Variants in ZDHHC1 observed in about 807,000 individuals in gnomAD.
ZDHHC1 encodes palmitoyltransferase ZDHHC1.
ZDHHC1 carries 45 observed loss-of-function variants against 46.9 expected under a neutral mutation model. That is an observed-to-expected ratio of 0.96 (90% CI 0.76 to 1.23). The LOEUF (loss-of-function observed/expected upper bound fraction) is 1.23, where lower values mean the gene tolerates loss of function less well. Ranked by LOEUF, ZDHHC1 falls within the 50% of genes most tolerant of loss-of-function variation. The pLI, the probability that ZDHHC1 is intolerant of heterozygous loss-of-function variation, is 0.00. For missense variants in ZDHHC1, 649 were observed against 670.8 expected, an observed-to-expected ratio of 0.97 and a Z score of 0.36; for synonymous variants, 291 against 286.0, an observed-to-expected ratio of 1.02 and a Z score of -0.18.
chr16:67,399,514 G>T (rs1161626886), intron 4 of ZDHHC1, 58 bp from the exon 5 acceptor site: 3 of 1,473,928 alleles, frequency 2.0e-6, no homozygotes, highest in Non-Finnish European at 2.8e-6. Flanking sequence ...CTGCGGCCCG[G>T]CCGGTCGGGG....
intron 1 of ZDHHC1, 95 bp downstream of exon 1, chr16:67,416,076 G>C (rs1021107925): frequency 1.3e-5 from 2 of 152,272 alleles, no homozygotes; most frequent in Non-Finnish European, 2.9e-5. Context: ...CCGGCTCCAG[G>C]CGGAAGCGAG....
chr16:67,406,545 C>A lies in ZDHHC1; in HGVS notation c.10-103G>T. 7.3e-7 allele frequency: 1 copy of A among 1,369,758 alleles called. No individual in the cohort carries two copies. The allele number at this position is 1,369,758 out of a possible 1,614,324, so 84.9% of individuals were successfully genotyped here. ...GTTTCAGCACAGGGGGAGTAGGCTG[C>A]GACAGCTACTCTGCTGGGGAAACTG... On this transcript the variant is annotated intron_variant, in intron 2 of 11. Coordinates refer to ENST00000565726, the MANE Select transcript of ZDHHC1 (RefSeq NM_001323627.2). The surrounding 1 kb of genome is among the most constrained non-coding windows in gnomAD (Gnocchi z 4.1).
At chr16:67,410,576 TC>T (rs1168884350) in intron 1 of ZDHHC1, among the ~76,000 whole-genome samples, 1 of 152,102 alleles carries the variant, frequency 6.6e-6, no homozygotes, top group African/African-American at 2.4e-5. Context: ...AGTAATCTGT[TC>T]ACATTAACAT....
chr16:67,410,758 CAGGTTCA>C (rs1266883859), intron 1 of ZDHHC1, among the ~76,000 whole-genome samples: 1 of 151,874 alleles, frequency 6.6e-6, no homozygotes, highest in Non-Finnish European at 1.5e-5. Context: ...CTCCACCTCC[CAGGTTCA>C]AGCGATTCTC....
intron 8 of ZDHHC1, 129 bp from the exon 9 acceptor site, chr16:67,395,695 A>G (rs559255772): frequency 1.1e-6 from 1 of 925,980 alleles, no homozygotes; most frequent in East Asian, 2.6e-5. Flanking sequence ...CCAGGCTCCC[A>G]GCCATGCTGG....
At chr16:67,415,273 A>G (rs1294100885) in intron 1 of ZDHHC1, among the ~76,000 whole-genome samples, 2 of 149,278 alleles carry the variant, frequency 1.3e-5, no homozygotes. Flanking sequence ...GCCTGGGCAA[A>G]ATAGTAAGAC....
At chr16:67,409,338 C>T (rs2040713956) in intron 1 of ZDHHC1, among the ~76,000 whole-genome samples, 1 of 152,018 alleles carries the variant, frequency 6.6e-6, no homozygotes, top group African/African-American at 2.4e-5. Flanking sequence ...CCTGATACTC[C>T]AAATCGGATA....
intron 8 of ZDHHC1, 182 bp from the exon 9 acceptor site, chr16:67,395,748 G>A: frequency 1.6e-6 from 1 of 633,040 alleles, no homozygotes; most frequent in East Asian, 2.8e-5. Context: ...ACCCATTTCT[G>A]GCCCTTGCCC....
rs1262372967 is a variant in ZDHHC1 at position 67,394,281 on chromosome 16, C to G, written c.*329G>C. 1 of 155,426 alleles carries G rather than the reference C, an allele frequency of 6.4e-6. No individual in the cohort carries two copies. The highest frequency in any genetic ancestry group is 2.4e-5 in the African/African-American group (1 of 41,588). The allele number at this position is 155,426 out of a possible 1,614,324, so 9.6% of individuals were successfully genotyped here. A position where few individuals can be genotyped will look rare whatever the true frequency, so the allele number is the denominator to read the frequency against. On this transcript the variant is annotated 3_prime_UTR_variant, in exon 12 of 12. Coordinates refer to ENST00000565726, the MANE Select transcript of ZDHHC1 (RefSeq NM_001323627.2). ...TTCTAAGGCCTTTCCTAACCACGAG[C>G]CGCACGTGAGCACCTCCACAGGGCA...
At chr16:67,404,508 A>G in intron 3 of ZDHHC1, 1 of 332,006 alleles carries the variant, frequency 3.0e-6, no homozygotes, top group South Asian at 2.4e-5. Flanking sequence ...GCTTTGATGG[A>G]AGGAAGGAGA....
At chr16:67,404,328 G>A (rs999660697) in intron 3 of ZDHHC1, 9 of 197,454 alleles carry the variant, frequency 4.6e-5, no homozygotes, top group African/African-American at 2.1e-4. Context: ...CATGTGGCGT[G>A]ATCACCACGT....
At chr16:67,413,897 C>T (rs117025590) in intron 1 of ZDHHC1, among the ~76,000 whole-genome samples, 8,966 of 148,634 alleles carry the variant, frequency 0.06, 386 homozygotes, top group Middle Eastern at 0.11. Flanking sequence ...CGGGATCATG[C>T]CATTGCACTC....
chr16:67,415,786 T>C (rs2040825019), intron 1 of ZDHHC1, among the ~76,000 whole-genome samples: 1 of 152,166 alleles, frequency 6.6e-6, no homozygotes, highest in Non-Finnish European at 1.5e-5. Flanking sequence ...ACTCTTCCCA[T>C]GGTTTCCTTT....
At chr16:67,404,991 G>A (rs1267858437) in intron 3 of ZDHHC1, among the ~76,000 whole-genome samples, 3 of 152,222 alleles carry the variant, frequency 2.0e-5, no homozygotes, top group Non-Finnish European at 4.4e-5. Flanking sequence ...AATGTCCCAT[G>A]ACGCATTCCC....
chr16:67,396,472 G>C (rs533707986), intron 8 of ZDHHC1, among the ~76,000 whole-genome samples: 1 of 152,294 alleles, frequency 6.6e-6, no homozygotes, highest in East Asian at 1.9e-4. Flanking sequence ...GACTAATGCA[G>C]AGAGGACACT....
At chr16:67,399,491 C>A in intron 4 of ZDHHC1, 35 bp from the exon 5 acceptor site, 1 of 1,565,202 alleles carries the variant, frequency 6.4e-7, no homozygotes, top group Non-Finnish European at 8.8e-7. Flanking sequence ...GATTGGCCGG[C>A]TCATTCCCCG....
At position 67,398,308 on chromosome 16, in the gene ZDHHC1, G is replaced by A. The variant is rs1465805635; in HGVS notation, c.831C>T (p.Thr277=). 6.2e-7 allele frequency: 1 copy of A among 1,613,724 alleles called. No homozygotes were observed. Among genetic ancestry groups the A allele is most frequent in the East Asian group, 2.2e-5 (1 of 44,882 alleles). Residue 277 remains threonine, a synonymous_variant, in exon 8 of 12, where the codon ACC becomes ACT. Transcript: ENST00000565726. The part of the protein sequence containing the change: ...FHIYLMWHKL[T]TYEYIVQHRP... ...GGTGCTGCACGATGTACTCATAGGT[G>A]GTGAGCTTGTGCCACACTGGTGGGG...
At position 67,406,172 on chromosome 16, in the gene ZDHHC1, C is replaced by T. The variant is rs778182426; in HGVS notation, c.252+28G>A. On this transcript the variant is annotated intron_variant, in intron 3 of 11. Coordinates refer to ENST00000565726, the MANE Select transcript of ZDHHC1 (RefSeq NM_001323627.2). The surrounding 1 kb of genome is among the most constrained non-coding windows in gnomAD (Gnocchi z 4.1). ...CATCCTTTGCCTCCCCACTTCCACA[C>T]ACCAGCCCTACGCTTTCCCAAGGAT... 2 of 1,607,482 alleles carry T rather than the reference C, an allele frequency of 1.2e-6. No individual in the cohort carries two copies. Among genetic ancestry groups the T allele is most frequent in the South Asian group, 2.2e-5 (2 of 90,234 alleles).
chr16:67,404,766 A>G lies in ZDHHC1; in HGVS notation c.252+1434T>C, dbSNP rs1180088460. 7 of 454,692 alleles carry G rather than the reference A, an allele frequency of 1.5e-5. No individual in the cohort carries two copies. The East Asian group carries it at 4.9e-4, about 32-fold the overall frequency. The allele number at this position is 454,692 out of a possible 1,614,324, so 28.2% of individuals were successfully genotyped here. A position where few individuals can be genotyped will look rare whatever the true frequency, so the allele number is the denominator to read the frequency against. ...CTCCTTAAGGATTACAATGAGGACC[A>G]AATGAGATCATTCATGTAAAGTGGC... On this transcript the variant is annotated intron_variant, in intron 3 of 11. Transcript: ENST00000565726.
Sources: gnomAD v4.1 joint callset for allele counts (sites outside exome capture counted in the v4.1 genomes callset) on GRCh38, gnomAD v4.1.1 for gene constraint, Gnocchi (gnomAD v3.1) non-coding constraint, MANE v1.5 for transcripts, NCBI Gene and HGNC (gene_info 2026-07-23, HGNC 2026-07-21) for gene names.